Variants in LINS1 observed in about 807,000 individuals in gnomAD.
LINS1 encodes protein Lines homolog 1.
LINS1 carries 27 observed loss-of-function variants against 41.6 expected under a neutral mutation model. That is an observed-to-expected ratio of 0.65 (90% CI 0.48 to 0.89). The LOEUF (loss-of-function observed/expected upper bound fraction) is 0.89, where lower values mean the gene tolerates loss of function less well. LINS1 is among the 40% of genes least tolerant of loss of function. LINS1 has a pLI of 0.00. For missense variants in LINS1, 955 were observed against 884.1 expected, an observed-to-expected ratio of 1.08 and a Z score of -1.02; for synonymous variants, 336 against 312.9, an observed-to-expected ratio of 1.07 and a Z score of -0.78.
rs2037862008 is a variant in LINS1, at chr15:100,572,066, C to T, written c.1223-1G>A. On this transcript the variant is annotated splice_acceptor_variant, in intron 5 of 6. Transcript: ENST00000314742. LOFTEE classifies it high-confidence loss of function. ...TCAGACATGAACCTCTGTAAGTCAA[C>T]TTCAAAAAATGAAAATTTCAAAGTG... 3 of 1,614,010 alleles carry T rather than the reference C, an allele frequency of 1.9e-6. No homozygotes were observed. The highest frequency in any genetic ancestry group is 4.5e-5 in the East Asian group (2 of 44,878).
In LINS1 at chr15:100,572,409, G is replaced by A. The variant is rs371766460; in HGVS notation, c.1223-344C>T. 87 of 1,121,476 alleles carry A rather than the reference G, an allele frequency of 7.8e-5. No homozygotes were observed. In the African/African-American group the frequency reaches 1.0e-3, roughly 13 times the overall value. The allele number at this position is 1,121,476 out of a possible 1,614,324, so 69.5% of individuals were successfully genotyped here. A position where few individuals can be genotyped will look rare whatever the true frequency, so the allele number is the denominator to read the frequency against. On this transcript the variant is annotated intron_variant, in intron 5 of 6. Coordinates refer to ENST00000314742, the MANE Select transcript of LINS1 (RefSeq NM_001040616.3). ...AGCAGACAACTAAGATCACTTCATC[G>A]GATGCCAGAGCTGTCTGTCCAAGAA...
At chr15:100,593,150 C>T (rs751934975) in intron 1 of LINS1, among the ~76,000 whole-genome samples, 22 of 152,144 alleles carry the variant, frequency 1.4e-4, no homozygotes, top group African/African-American at 4.6e-4. Flanking sequence ...AAGTGTCTGA[C>T]GGAGGGTGCA....
Position 100,571,805 on chromosome 15 carries a change from A to T in LINS1, c.1394+89T>A, listed in dbSNP as rs546864614. 21 of 1,466,712 alleles carry T rather than the reference A, an allele frequency of 1.4e-5. No homozygotes were observed. The African/African-American group carries it at 2.6e-4, about 18-fold the overall frequency. 90.9% of individuals were successfully genotyped at this position (1,466,712 alleles called of 1,614,324 possible). Reference sequence around the variant, plus strand: ...AGGATGTTTTCCCCCAAATGATGAAAGTAAGCAACACGCCCAGCACATTCT... The same window carrying T: ...AGGATGTTTTCCCCCAAATGATGAATGTAAGCAACACGCCCAGCACATTCT... On this transcript the variant is annotated intron_variant, in intron 6 of 6. Transcript: ENST00000314742.
intron 5 of LINS1, 59 bp from the exon 6 acceptor site, chr15:100,572,124 G>C: frequency 6.3e-7 from 1 of 1,599,498 alleles, no homozygotes; most frequent in South Asian, 1.1e-5. Flanking sequence ...TGAATATCTT[G>C]CCTATATATA....
chr15:100,572,850 T>C (rs1310550149), intron 5 of LINS1: 2 of 799,652 alleles, frequency 2.5e-6, no homozygotes. Context: ...TTAGCTTTAA[T>C]TCAATATCTA....
rs553699003 is a variant in LINS1 at position 100,584,710 on chromosome 15, A to G, written c.-103-3765T>C. 1.8e-4 allele frequency among the ~76,000 whole-genome samples: 28 copies of G among 152,276 alleles called. 1 individual carries two copies. In the East Asian group the frequency reaches 4.8e-3, roughly 26 times the overall value. On this transcript the variant is annotated intron_variant, in intron 1 of 6. Coordinates refer to ENST00000314742, the MANE Select transcript of LINS1 (RefSeq NM_001040616.3). ...AAGCAAGCAAAGCAACTCTGCATAG[A>G]CCATGACCTGGGCGTCCTCCAATTC...
At position 100,574,259 on chromosome 15, in the gene LINS1, G is replaced by C. The variant is rs2038024789; in HGVS notation, c.632-18C>G. 1 of 1,479,704 alleles carries C rather than the reference G, an allele frequency of 6.8e-7. No individual in the cohort carries two copies. Among genetic ancestry groups the C allele is most frequent in the South Asian group, 1.1e-5 (1 of 87,738 alleles). 91.7% of individuals were successfully genotyped at this position (1,479,704 alleles called of 1,614,324 possible). On this transcript the variant is annotated intron_variant, in intron 4 of 6. Coordinates refer to ENST00000314742, the MANE Select transcript of LINS1 (RefSeq NM_001040616.3). ...TAGAATTTCTGCAATTATAAAAATA[G>C]GAATTATAAACAGGAAAAACAGTCT...
Position 100,580,605 on chromosome 15 carries a change from A to T in LINS1, c.238T>A (p.Ser80Thr). 1 of 1,613,988 alleles carries T rather than the reference A, an allele frequency of 6.2e-7. No homozygotes were observed. The highest frequency in any genetic ancestry group is 1.1e-5 in the South Asian group (1 of 91,082). ...ACTTCTCTGGAACCGCTCATCTGAGAGTTGGTCTTCAAACACACAGGTGCT... is the reference window on the plus strand; with the variant it reads ...ACTTCTCTGGAACCGCTCATCTGAGTGTTGGTCTTCAAACACACAGGTGCT... ...AVAPVCLKTN[S>T]QMSGSREVML... Residue 80 changes from serine to threonine, a missense_variant, in exon 2 of 7, where the codon TCT (serine) becomes ACT (threonine). Physicochemically the swap from Ser to Thr is moderately conservative, Grantham distance 58. Transcript: ENST00000314742.
At position 100,580,710 on chromosome 15, in the gene LINS1, T is replaced by C; in HGVS notation, c.133A>G (p.Thr45Ala). The change falls in exon 2 of 7, where the codon ACC (threonine) becomes GCC (alanine). Residue 45 changes from threonine (T) to alanine (A), a missense_variant. Thr to Ala is a moderately conservative substitution (Grantham distance 58, BLOSUM62 0). Transcript: ENST00000314742. Reference protein sequence around the residue: ...AVSDQDCSTATSLEWANTCGI... With the variant: ...AVSDQDCSTAASLEWANTCGI... ...CAGGTGTTTGCCCATTCTAAGGAGG[T>C]GGCTGTAGAACAATCTTGATCTGAA... 1 of 1,613,230 alleles carries C rather than the reference T, an allele frequency of 6.2e-7. No homozygotes were observed. The highest frequency in any genetic ancestry group is 8.5e-7 in the Non-Finnish European group (1 of 1,179,418).
At position 100,569,310 on chromosome 15, in the gene LINS1, A is replaced by C; in HGVS notation, c.2202T>G (p.Tyr734Ter). ...ACAACTTCAAAAGTGCAGTTGGATTATATGGGAAAAGATTTTTCTTTTGCA... is the reference window on the plus strand; with the variant it reads ...ACAACTTCAAAAGTGCAGTTGGATTCTATGGGAAAAGATTTTTCTTTTGCA... ...CRLQKKNLFPYNPTALLKLLK... is the reference protein window; with the variant it reads ...CRLQKKNLFP Residue 734 changes from tyrosine (Y) to a stop codon, truncating the protein, a stop_gained, in exon 7 of 7, where the codon TAT becomes TAG. Coordinates refer to ENST00000314742, the MANE Select transcript of LINS1 (RefSeq NM_001040616.3). LOFTEE classifies it low-confidence loss of function (END_TRUNC). 6.2e-7 allele frequency: 1 copy of C among 1,613,444 alleles called. No individual in the cohort carries two copies. Among genetic ancestry groups the C allele is most frequent in the Non-Finnish European group, 8.5e-7 (1 of 1,179,354 alleles).
chr15:100,572,915 A>C, intron 5 of LINS1: 4 of 686,266 alleles, frequency 5.8e-6, no homozygotes, highest in Non-Finnish European at 7.2e-6. Context: ...ATTAATACAA[A>C]TGGGGTGGGG....
intron 3 of LINS1, among the ~76,000 whole-genome samples, chr15:100,577,033 A>G (rs558647089): frequency 2.0e-5 from 3 of 152,372 alleles, no homozygotes; most frequent in African/African-American, 7.2e-5. Flanking sequence ...ATCTAAAAAT[A>G]ATAAGAGCTA....
chr15:100,595,618 A>G (rs1482659883), intron 1 of LINS1, among the ~76,000 whole-genome samples: 1 of 152,234 alleles, frequency 6.6e-6, no homozygotes, highest in African/African-American at 2.4e-5. Context: ...CTTTAAAAAG[A>G]TATGTCTATG....
intron 1 of LINS1, among the ~76,000 whole-genome samples, chr15:100,587,624 G>A (rs549823960): frequency 5.9e-5 from 9 of 152,122 alleles, no homozygotes; most frequent in Non-Finnish European, 1.3e-4. Flanking sequence ...CTTTTATTTG[G>A]TTCTGTGGAT....
At chr15:100,590,774 C>A (rs2039000661) in intron 1 of LINS1, among the ~76,000 whole-genome samples, 1 of 152,114 alleles carries the variant, frequency 6.6e-6, no homozygotes, top group South Asian at 2.1e-4. Flanking sequence ...AATGAGTAGG[C>A]TCTTTATCTA....
intron 1 of LINS1, among the ~76,000 whole-genome samples, chr15:100,588,404 A>G (rs1384920053): frequency 6.6e-6 from 1 of 152,252 alleles, no homozygotes; most frequent in Non-Finnish European, 1.5e-5. Flanking sequence ...AGTTTTAATT[A>G]ACTGGTTAAT....
chr15:100,595,740 A>G (rs962549446), intron 1 of LINS1, among the ~76,000 whole-genome samples: 10 of 152,240 alleles, frequency 6.6e-5, no homozygotes, highest in Admixed American at 1.3e-4. Context: ...AGACTGGGAA[A>G]GTCAATAGTA....
chr15:100,590,796 G>C (rs2039001431), intron 1 of LINS1, among the ~76,000 whole-genome samples: 1 of 152,146 alleles, frequency 6.6e-6, no homozygotes, highest in Non-Finnish European at 1.5e-5. Context: ...CTCATTCTTT[G>C]ATCTATTTGA....
At chr15:100,583,491 G>C (rs1380786302) in intron 1 of LINS1, among the ~76,000 whole-genome samples, 2 of 152,234 alleles carry the variant, frequency 1.3e-5, no homozygotes, top group African/African-American at 4.8e-5. Flanking sequence ...CCTGTGGTAT[G>C]CATCCCATAT....
Sources: allele counts gnomAD v4.1 joint callset (sites outside exome capture counted in the v4.1 genomes callset), GRCh38; gene constraint gnomAD v4.1.1; transcripts MANE v1.5; gene names NCBI Gene and HGNC (gene_info 2026-07-23, HGNC 2026-07-21).